The following CDH18 variants were observed in gnomAD, a reference collection of about 807,000 sequenced individuals.
The protein encoded by CDH18 is cadherin-18.
In CDH18, 31 loss-of-function variants were observed where a neutral mutation model predicts 67.9. The observed-to-expected ratio is 0.46, with a 90% CI of 0.34 to 0.62. CDH18 has a LOEUF of 0.62. Among genes scored for constraint, CDH18 ranks in the 20% least tolerant of loss-of-function variants. CDH18 has a pLI of 0.01. For synonymous variants in CDH18, 362 were observed against 347.2 expected, an observed-to-expected ratio of 1.04 and a Z score of -0.48; for missense variants, 890 against 975.5, an observed-to-expected ratio of 0.91 and a Z score of 1.17.
chr5:20,519,942 C>CTTTT lies in CDH18; in HGVS notation c.-580+55516_-580+55519dup, dbSNP rs777265512. On this transcript the variant is annotated intron_variant, in intron 1 of 14. Coordinates refer to the CDH18 transcript ENST00000507958. ...AGGCTGGAGTACAACACAGTCTTGG[C>CTTTT]TTTTTTTTTTTTTTTTTTTTTTTTT... Among the ~76,000 whole-genome samples the CTTTT allele has an allele frequency of 3.4e-4, 14 of 41,688 alleles. 4 individuals are homozygous for CTTTT. The highest frequency in any genetic ancestry group is 7.7e-4 in the Admixed American group (2 of 2,594). The allele number at this position is 41,688 out of a possible 152,430, so 27.3% of individuals were successfully genotyped here.
At chr5:19,916,249 G>C (rs1791776633) in intron 2 of CDH18, among the ~76,000 whole-genome samples, 1 of 152,094 alleles carries the variant, frequency 6.6e-6, no homozygotes, top group African/African-American at 2.4e-5. Flanking sequence ...TTACTTCTCT[G>C]ACCTCCTGTC....
intron 1 of CDH18, among the ~76,000 whole-genome samples, chr5:20,260,164 AG>A (rs921331322): frequency 3.3e-5 from 5 of 151,436 alleles, no homozygotes; most frequent in African/African-American, 1.2e-4. Flanking sequence ...ACATTTCAGA[AG>A]TGTAAGGTAC....
chr5:19,939,467 T>C (rs1390432358), intron 2 of CDH18, among the ~76,000 whole-genome samples: 2 of 151,732 alleles, frequency 1.3e-5, no homozygotes, highest in Non-Finnish European at 3.0e-5. Context: ...TCCAGGTTTA[T>C]TTAGCTTTAA....
At chr5:20,008,095 T>G (rs1364097177) in intron 2 of CDH18, among the ~76,000 whole-genome samples, 2 of 152,128 alleles carry the variant, frequency 1.3e-5, no homozygotes, top group Non-Finnish European at 2.9e-5. Flanking sequence ...GATCAATTTT[T>G]GTTCATAAAT....
At chr5:20,053,448 A>C (rs1741621055) in intron 2 of CDH18, among the ~76,000 whole-genome samples, 1 of 151,792 alleles carries the variant, frequency 6.6e-6, no homozygotes, top group Non-Finnish European at 1.5e-5. Context: ...CCACCATTCT[A>C]ATCTCTTTTC....
intron 11 of CDH18, among the ~76,000 whole-genome samples, chr5:19,483,792 G>A (rs548186549): frequency 6.6e-6 from 1 of 152,298 alleles, no homozygotes; most frequent in African/African-American, 2.4e-5. Flanking sequence ...GGAAGACAAA[G>A]CAGGAGGAAG....
At chr5:19,838,709 C>T in intron 3 of CDH18, 50 bp downstream of exon 3, 2 of 1,266,294 alleles carry the variant, frequency 1.6e-6, no homozygotes, top group Non-Finnish European at 2.3e-6. Flanking sequence ...GCTCATCTTA[C>T]CCCACAATTT....
rs184004153 is a variant in CDH18 at position 20,004,924 on chromosome 5, G to A, written c.-517-12910C>T. On this transcript the variant is annotated intron_variant, in intron 2 of 14. Transcript: ENST00000507958. Reference sequence around the variant, plus strand: ...AATAAAATGAGTTGAGGAACAGTGGGTGTGTCAAATTCCACTATCTATCTA... The same window carrying A: ...AATAAAATGAGTTGAGGAACAGTGGATGTGTCAAATTCCACTATCTATCTA... Among the ~76,000 whole-genome samples, 89 of 152,246 alleles carry A rather than the reference G, an allele frequency of 5.8e-4. 1 individual carries two copies. The highest frequency in any genetic ancestry group is 8.5e-4 in the Non-Finnish European group (58 of 68,014).
intron 1 of CDH18, among the ~76,000 whole-genome samples, chr5:20,434,527 AAGCCAGT>A (rs2150181042): frequency 6.6e-6 from 1 of 152,226 alleles, no homozygotes; most frequent in East Asian, 1.9e-4. Flanking sequence ...CCCGGTAATA[AAGCCAGT>A]AGCCAGAATG....
intron 5 of CDH18, among the ~76,000 whole-genome samples, chr5:19,689,159 T>C (rs555293242): frequency 6.6e-6 from 1 of 152,166 alleles, no homozygotes; most frequent in South Asian, 2.1e-4. Context: ...GATTTAGATA[T>C]CCAGAAGTAG....
intron 7 of CDH18, among the ~76,000 whole-genome samples, chr5:19,573,905 T>A (rs1216610222): frequency 1.3e-5 from 2 of 152,188 alleles, no homozygotes; most frequent in African/African-American, 4.8e-5. Flanking sequence ...GTGGAAGGCT[T>A]GATGATGTCT....
chr5:20,129,785 T>A (rs1225606636), intron 2 of CDH18, among the ~76,000 whole-genome samples: 1 of 152,000 alleles, frequency 6.6e-6, no homozygotes, highest in Non-Finnish European at 1.5e-5. Flanking sequence ...TGCAAGCCAC[T>A]GATATTACGA....
intron 2 of CDH18, among the ~76,000 whole-genome samples, chr5:19,925,533 G>A (rs558224508): frequency 1.3e-4 from 20 of 151,902 alleles, no homozygotes; most frequent in Non-Finnish European, 2.2e-4. Context: ...CTGTCACCCT[G>A]GCTGGAGTGC....
At chr5:20,115,425 T>C (rs757736520) in intron 2 of CDH18, among the ~76,000 whole-genome samples, 5 of 151,524 alleles carry the variant, frequency 3.3e-5, no homozygotes, top group Non-Finnish European at 5.9e-5. Context: ...ACTACAGGCA[T>C]GCACCACCAT....
Position 20,150,824 on chromosome 5 carries a change from C to G in CDH18, c.-518+104620G>C, listed in dbSNP as rs141914903. 4.1e-3 allele frequency among the ~76,000 whole-genome samples: 621 copies of G among 152,094 alleles called. 7 individuals are homozygous for G. The highest frequency in any genetic ancestry group is 0.014 in the African/African-American group (600 of 41,534). Reference sequence around the variant, plus strand: ...AAAGCTTTGTAGCTTAGCTGCTTTACTCACATTGTAATACATTTTTAAATA... The same window carrying G: ...AAAGCTTTGTAGCTTAGCTGCTTTAGTCACATTGTAATACATTTTTAAATA... On this transcript the variant is annotated intron_variant, in intron 2 of 14. Coordinates refer to the CDH18 transcript ENST00000507958.
chr5:20,319,793 A>G (rs1236068593), intron 1 of CDH18, among the ~76,000 whole-genome samples: 2 of 152,186 alleles, frequency 1.3e-5, no homozygotes, highest in South Asian at 2.1e-4. Flanking sequence ...AAAGTACTGG[A>G]AAAACACTAT....
chr5:20,046,726 A>G (rs1403970394), intron 2 of CDH18, among the ~76,000 whole-genome samples: 2 of 151,110 alleles, frequency 1.3e-5, no homozygotes. Flanking sequence ...AAGTCAACAC[A>G]TGAAATGTTT....
intron 1 of CDH18, among the ~76,000 whole-genome samples, chr5:20,417,938 A>G (rs2150153843): frequency 6.6e-6 from 1 of 152,288 alleles, no homozygotes; most frequent in East Asian, 1.9e-4. Flanking sequence ...AGCACTTTTC[A>G]CGTATGAAAA....
intron 2 of CDH18, among the ~76,000 whole-genome samples, chr5:19,998,608 T>G (rs1204056454): frequency 6.6e-6 from 1 of 152,150 alleles, no homozygotes; most frequent in Non-Finnish European, 1.5e-5. Flanking sequence ...TTGTTCAATA[T>G]CTGTTTTTCA....
Sources: allele counts gnomAD v4.1 joint callset (sites outside exome capture counted in the v4.1 genomes callset), GRCh38; gene constraint gnomAD v4.1.1; transcripts MANE v1.5; gene names NCBI Gene and HGNC (gene_info 2026-07-23, HGNC 2026-07-21).